The following SLC44A5 variants were observed in gnomAD, a reference collection of about 807,000 sequenced individuals.
The protein encoded by SLC44A5 is choline transporter-like protein 5.
A neutral mutation model predicts 101.8 loss-of-function variants in SLC44A5; 57 were observed. The observed-to-expected ratio is 0.56, with a 90% confidence interval of 0.45 to 0.70. SLC44A5 has a LOEUF of 0.70. SLC44A5 is among the 30% of genes least tolerant of loss of function. The probability of loss-of-function intolerance (pLI) is 0.00; values close to 1 mark genes in which losing one functional copy is unlikely to be tolerated. For synonymous variants in SLC44A5, 281 were observed against 290.9 expected (o/e 0.97, Z 0.35); for missense variants, 737 against 853.1 (o/e 0.86, Z 1.70).
At chr1:75,615,149 T>C (rs1299819962), upstream of SLC44A5, among the ~76,000 whole-genome samples, 1 of 151,912 alleles carries the variant, frequency 6.6e-6, no homozygotes, top group Non-Finnish European at 1.5e-5. Context: ...GAAGCCCGGG[T>C]TCCAAAGGAG....
intron 3 of SLC44A5, among the ~76,000 whole-genome samples, chr1:75,384,015 T>TTTA (rs1287671342): frequency 1.3e-5 from 2 of 151,428 alleles, no homozygotes; most frequent in East Asian, 3.9e-4. Context: ...CTGAGAGATT[T>TTTA]TGTCACCACC....
chr1:75,276,882 C>T (rs1257034064), intron 5 of SLC44A5, among the ~76,000 whole-genome samples: 1 of 152,134 alleles, frequency 6.6e-6, no homozygotes, highest in Non-Finnish European at 1.5e-5. Flanking sequence ...TGGGGAACTT[C>T]TGCAGAGCCG....
At chr1:75,248,171 G>A (rs1163675258) in intron 7 of SLC44A5, among the ~76,000 whole-genome samples, 1 of 151,952 alleles carries the variant, frequency 6.6e-6, no homozygotes, top group African/African-American at 2.4e-5. Flanking sequence ...AGGATAGAAA[G>A]GATACTAGAG....
At chr1:75,386,999 C>T (rs372752145) in intron 3 of SLC44A5, among the ~76,000 whole-genome samples, 1 of 151,710 alleles carries the variant, frequency 6.6e-6, no homozygotes, top group South Asian at 2.1e-4. Flanking sequence ...GGAAAACTGG[C>T]TAGCCATATG....
chr1:75,546,727 A>G (rs929659317), intron 1 of SLC44A5, among the ~76,000 whole-genome samples: 2 of 152,116 alleles, frequency 1.3e-5, no homozygotes, highest in Non-Finnish European at 2.9e-5. Flanking sequence ...TCTTGTTCCA[A>G]TGCTCCTTAA....
chr1:75,687,807 C>G, the SLC44A5 span, among the ~76,000 whole-genome samples: 8 of 152,176 alleles, frequency 5.3e-5, no homozygotes, highest in African/African-American at 1.4e-4. Flanking sequence ...GTGTCAAGAT[C>G]CTGGACACCA....
At chr1:75,652,352 T>A in the SLC44A5 span, among the ~76,000 whole-genome samples, 53,973 of 152,110 alleles carry the variant, frequency 0.35, 11,307 homozygotes, top group East Asian at 0.93. Flanking sequence ...CTTTCGCTTC[T>A]GCTCTAAAAC....
intron 2 of SLC44A5, among the ~76,000 whole-genome samples, chr1:75,415,340 C>T (rs564495136): frequency 7.2e-5 from 11 of 152,270 alleles, no homozygotes; most frequent in African/African-American, 2.2e-4. Context: ...AGTTTCTCTG[C>T]ACAATTTCTC....
At chr1:75,406,176 C>G (rs896234468) in intron 2 of SLC44A5, among the ~76,000 whole-genome samples, 1 of 151,906 alleles carries the variant, frequency 6.6e-6, no homozygotes, top group Non-Finnish European at 1.5e-5. Flanking sequence ...AAGTTAAGTC[C>G]CTTAATAGAC....
intron 2 of SLC44A5, among the ~76,000 whole-genome samples, chr1:75,513,443 G>T (rs971544658): frequency 6.6e-6 from 1 of 152,198 alleles, no homozygotes; most frequent in Admixed American, 6.5e-5. Flanking sequence ...ATTGGTACTA[G>T]ATAATTGGAT....
chr1:75,679,377 C>T, the SLC44A5 span, among the ~76,000 whole-genome samples: 1 of 152,098 alleles, frequency 6.6e-6, no homozygotes, highest in Non-Finnish European at 1.5e-5. Flanking sequence ...GTCGGGTTAC[C>T]CTCAAAGGGA....
At chr1:75,663,681 C>T in the SLC44A5 span, among the ~76,000 whole-genome samples, 4 of 152,092 alleles carry the variant, frequency 2.6e-5, no homozygotes, top group African/African-American at 9.7e-5. Context: ...AGTCCCAGAC[C>T]AGATGGACTC....
rs138056624 is a variant in SLC44A5 at position 75,583,101 on chromosome 1, C to A, written c.-70+27939G>T. On this transcript the variant is annotated intron_variant, in intron 1 of 23. Coordinates refer to ENST00000370859, the MANE Select transcript of SLC44A5 (RefSeq NM_001130058.2). Reference sequence around the variant, plus strand: ...CTTGATTTGGAACGTCCCCTCCTGTCAGCTCAGGAATGACTCAGTGTGAGG... The same window carrying A: ...CTTGATTTGGAACGTCCCCTCCTGTAAGCTCAGGAATGACTCAGTGTGAGG... Among the ~76,000 whole-genome samples the A allele has an allele frequency of 1.1e-3, 169 of 152,276 alleles. 1 individual carries two copies. Among genetic ancestry groups the A allele is most frequent in the South Asian group, 5.6e-3 (27 of 4,828 alleles).
chr1:75,403,953 A>G (rs1313777272), intron 2 of SLC44A5, among the ~76,000 whole-genome samples: 1 of 152,126 alleles, frequency 6.6e-6, no homozygotes, highest in African/African-American at 2.4e-5. Flanking sequence ...GAACCTTGCA[A>G]AAAAGTTAGA....
chr1:75,562,485 C>G (rs896222349), intron 1 of SLC44A5, among the ~76,000 whole-genome samples: 2 of 151,974 alleles, frequency 1.3e-5, no homozygotes, highest in African/African-American at 4.8e-5. Context: ...ATCGTTTGAG[C>G]CCAGGAGTTC....
intron 13 of SLC44A5, among the ~76,000 whole-genome samples, chr1:75,225,876 C>A (rs1482688196): frequency 6.6e-6 from 1 of 152,148 alleles, no homozygotes; most frequent in African/African-American, 2.4e-5. Context: ...CTGATCTCCT[C>A]AATGGCGTTT....
rs1430170870 is a variant in SLC44A5 at position 75,444,610 on chromosome 1, C to T, written c.14-47989G>A. ...TTTTTTAAGATGGGAGATAATACAG[C>T]ATATTTGTATGCTAATAGAGATGAT... On this transcript the variant is annotated intron_variant, in intron 2 of 23. Transcript: ENST00000370859. Among the ~76,000 whole-genome samples, 6 of 149,900 alleles carry T rather than the reference C, an allele frequency of 4.0e-5. No homozygotes were observed. In the South Asian group the frequency reaches 1.3e-3, roughly 32 times the overall value.
intron 4 of SLC44A5, among the ~76,000 whole-genome samples, chr1:75,338,898 C>T (rs1299063266): frequency 6.6e-6 from 1 of 152,136 alleles, no homozygotes; most frequent in Non-Finnish European, 1.5e-5. Flanking sequence ...AAACAGCCAC[C>T]AACTGCACAG....
intron 3 of SLC44A5, among the ~76,000 whole-genome samples, chr1:75,351,250 A>G (rs973375507): frequency 6.6e-6 from 1 of 152,076 alleles, no homozygotes; most frequent in Non-Finnish European, 1.5e-5. Context: ...AATCATGGTA[A>G]AGATTGTAAC....
Sources: allele counts gnomAD v4.1 joint callset (sites outside exome capture counted in the v4.1 genomes callset), GRCh38; gene constraint gnomAD v4.1.1; transcripts MANE v1.5; gene names NCBI Gene and HGNC (gene_info 2026-07-23, HGNC 2026-07-21).